The following LRP1B variants were observed in gnomAD, a reference collection of about 807,000 sequenced individuals.
The protein encoded by LRP1B is low-density lipoprotein receptor-related protein 1B.
A neutral mutation model predicts 556.6 loss-of-function variants in LRP1B; 217 were observed. That is an observed-to-expected ratio of 0.39 (90% confidence interval 0.35 to 0.44). The LOEUF (loss-of-function observed/expected upper bound fraction) is 0.44, where lower values mean the gene tolerates loss of function less well. Ranked by LOEUF, LRP1B falls within the 20% of genes least tolerant of loss-of-function variation. The probability of loss-of-function intolerance (pLI) is 1.00; values close to 1 mark genes in which losing one functional copy is unlikely to be tolerated. For synonymous variants in LRP1B, 2,047 were observed against 1,865.8 expected (o/e 1.10, Z -2.50); for missense variants, 5,053 against 5,620.8 (o/e 0.90, Z 3.23).
At chr2:140,824,979 G>A (rs1367291385) in intron 31 of LRP1B, among the ~76,000 whole-genome samples, 1 of 152,128 alleles carries the variant, frequency 6.6e-6, no homozygotes. Context: ...AAATAAAGCA[G>A]ATACGGTCCC....
intron 15 of LRP1B, among the ~76,000 whole-genome samples, chr2:141,004,131 A>G (rs976509089): frequency 2.2e-4 from 34 of 152,114 alleles, no homozygotes; most frequent in Non-Finnish European, 3.7e-4. Flanking sequence ...GACAATCATT[A>G]TAAGTGATAA....
At chr2:140,881,134 T>C (rs1040892801) in intron 25 of LRP1B, among the ~76,000 whole-genome samples, 1 of 152,118 alleles carries the variant, frequency 6.6e-6, no homozygotes, top group Non-Finnish European at 1.5e-5. Flanking sequence ...TATTAATAGT[T>C]TGAGAAATTG....
At chr2:141,054,968 T>C (rs1398230809) in intron 10 of LRP1B, 148 bp downstream of exon 10, 1 of 728,106 alleles carries the variant, frequency 1.4e-6, no homozygotes, top group Non-Finnish European at 2.0e-6. Flanking sequence ...AAAATACTTA[T>C]TTTGAGAAAA....
At position 141,742,891 on chromosome 2, in the gene LRP1B, GA is replaced by G. The variant is rs372022861; in HGVS notation, c.205+67387del. On this transcript the variant is annotated intron_variant, in intron 2 of 90. Transcript: ENST00000389484. ...GCTATTATAAAGGGATTAATTTCTT[GA>G]TTTCTTTTTCAAATTATTCATTGTT... is the stretch of plus-strand genomic sequence containing the variant. Among the ~76,000 whole-genome samples the G allele has an allele frequency of 1.6e-3, 244 of 151,946 alleles. 7 individuals are homozygous for G. The South Asian group carries it at 0.032, about 20-fold the overall frequency.
intron 3 of LRP1B, among the ~76,000 whole-genome samples, chr2:141,425,900 G>T (rs1286906524): frequency 4.7e-5 from 7 of 150,182 alleles, no homozygotes; most frequent in African/African-American, 1.7e-4. Flanking sequence ...AGTTTCTTTT[G>T]CTGTGCAGAA....
rs563944247 is a variant in LRP1B, at chr2:140,351,837, G to A, written c.11651-799C>T. On this transcript the variant is annotated intron_variant, in intron 76 of 90. Coordinates refer to ENST00000389484, the MANE Select transcript of LRP1B (RefSeq NM_018557.3). ...GTCACTTAGCAAATGCTTATTATGT[G>A]TCAGACGCTATGTTAAGCCTTTCAC... Among the ~76,000 whole-genome samples the A allele has an allele frequency of 9.9e-5, 15 of 152,182 alleles. No homozygotes were observed. The South Asian group carries it at 3.1e-3, about 32-fold the overall frequency.
intron 2 of LRP1B, among the ~76,000 whole-genome samples, chr2:141,741,871 C>A (rs1693721450): frequency 6.6e-6 from 1 of 152,116 alleles, no homozygotes; most frequent in South Asian, 2.1e-4. Context: ...TTTGACAACT[C>A]CAATATCCTG....
At chr2:142,090,063 T>C (rs1312931715) in intron 1 of LRP1B, among the ~76,000 whole-genome samples, 1 of 152,164 alleles carries the variant, frequency 6.6e-6, no homozygotes, top group Non-Finnish European at 1.5e-5. Flanking sequence ...ATAAAATATG[T>C]ACATTTTAAC....
intron 2 of LRP1B, among the ~76,000 whole-genome samples, chr2:141,581,004 A>C (rs1403644197): frequency 1.3e-5 from 2 of 152,206 alleles, no homozygotes; most frequent in East Asian, 3.9e-4. Flanking sequence ...TCTCATCTAA[A>C]TGTACCAGGT....
At chr2:140,947,769 G>T (rs1409158356) in intron 20 of LRP1B, among the ~76,000 whole-genome samples, 1 of 152,150 alleles carries the variant, frequency 6.6e-6, no homozygotes, top group Non-Finnish European at 1.5e-5. Flanking sequence ...TAGAATATTT[G>T]ATTAGGGAAT....
At chr2:140,702,884 C>A (rs1191404406) in intron 37 of LRP1B, among the ~76,000 whole-genome samples, 3 of 152,034 alleles carry the variant, frequency 2.0e-5, no homozygotes, top group Non-Finnish European at 4.4e-5. Flanking sequence ...TTTCCAGAAG[C>A]CTTCTGTGTC....
At chr2:141,018,673 G>T (rs1465149207) in intron 12 of LRP1B, among the ~76,000 whole-genome samples, 5 of 152,082 alleles carry the variant, frequency 3.3e-5, no homozygotes, top group Non-Finnish European at 7.4e-5. Context: ...GAAAGAAGAT[G>T]CTGTTTTAAG....
intron 43 of LRP1B, among the ~76,000 whole-genome samples, chr2:140,554,721 T>C (rs1046638153): frequency 6.6e-6 from 1 of 151,984 alleles, no homozygotes; most frequent in South Asian, 2.1e-4. Flanking sequence ...GTAACCCAAG[T>C]GCTTAAAACA....
chr2:141,653,609 A>T (rs1207056331), intron 2 of LRP1B, among the ~76,000 whole-genome samples: 2 of 151,714 alleles, frequency 1.3e-5, no homozygotes, highest in African/African-American at 2.4e-5. Context: ...CAAAGGAATG[A>T]ACCACTGAGA....
At chr2:140,758,640 A>T (rs1404202602) in intron 35 of LRP1B, among the ~76,000 whole-genome samples, 1 of 152,064 alleles carries the variant, frequency 6.6e-6, no homozygotes, top group Non-Finnish European at 1.5e-5. Flanking sequence ...ACAGGGTTTT[A>T]AATGAACATT....
intron 1 of LRP1B, among the ~76,000 whole-genome samples, chr2:141,863,647 A>C (rs921832210): frequency 2.0e-5 from 3 of 152,226 alleles, no homozygotes. Context: ...CACCATAAAA[A>C]CAGCATGACT....
At chr2:140,691,825 T>G (rs1686254000) in intron 41 of LRP1B, among the ~76,000 whole-genome samples, 2 of 152,150 alleles carry the variant, frequency 1.3e-5, no homozygotes, top group African/African-American at 2.4e-5. Flanking sequence ...TTGAAAGTTA[T>G]TTATTTATAC....
At chr2:141,880,142 GAGA>G (rs1698905675) in intron 1 of LRP1B, among the ~76,000 whole-genome samples, 1 of 151,944 alleles carries the variant, frequency 6.6e-6, no homozygotes, top group African/African-American at 2.4e-5. Context: ...CTGACACAAT[GAGA>G]AGAATATCTA....
At chr2:141,221,288 T>TAAAAAA (rs3063857) in intron 6 of LRP1B, among the ~76,000 whole-genome samples, 1 of 131,178 alleles carries the variant, frequency 7.6e-6, no homozygotes, top group African/African-American at 2.9e-5. Context: ...CCAACAAAGA[T>TAAAAAA]AAAAAAAAAA....
Sources: allele counts gnomAD v4.1 joint callset (sites outside exome capture counted in the v4.1 genomes callset), GRCh38; gene constraint gnomAD v4.1.1; transcripts MANE v1.5; gene names NCBI Gene and HGNC (gene_info 2026-07-23, HGNC 2026-07-21).